The following AKAP13 variants were observed in gnomAD, a reference collection of about 807,000 sequenced individuals.
AKAP13 encodes the protein A-kinase anchor protein 13.
In AKAP13, 80 loss-of-function variants were observed where a neutral mutation model predicts 264.5. The observed-to-expected ratio is 0.30, with a 90% CI of 0.25 to 0.36. The LOEUF (loss-of-function observed/expected upper bound fraction) is 0.36. AKAP13 is among the 10% of genes least tolerant of loss of function. AKAP13 has a pLI of 1.00. For synonymous variants in AKAP13, 1,380 were observed against 1,250.2 expected, an observed-to-expected ratio of 1.10 and a Z score of -2.19; for missense variants, 3,712 against 3,435.2, an observed-to-expected ratio of 1.08 and a Z score of -2.01.
intron 2 of AKAP13, among the ~76,000 whole-genome samples, chr15:85,517,792 T>C (rs1378628954): frequency 6.6e-6 from 1 of 152,204 alleles, no homozygotes. Flanking sequence ...AGAGGTCTTT[T>C]CCATTAGTTT....
chr15:85,726,627 C>T (rs1302676502), intron 27 of AKAP13, 141 bp downstream of exon 27: 7 of 680,160 alleles, frequency 1.0e-5, no homozygotes, highest in East Asian at 8.4e-5. Context: ...TTCCCACATG[C>T]CCTCAGAATT....
At chr15:85,392,916 A>C (rs1235959439) in intron 1 of AKAP13, among the ~76,000 whole-genome samples, 1 of 152,236 alleles carries the variant, frequency 6.6e-6, no homozygotes. Context: ...AGATTTTTAG[A>C]AGTATCCTTT....
chr15:85,674,780 C>A (rs1215620925), intron 14 of AKAP13, among the ~76,000 whole-genome samples: 1 of 151,874 alleles, frequency 6.6e-6, no homozygotes, highest in Non-Finnish European at 1.5e-5. Flanking sequence ...TCTCTGTTTT[C>A]TGGATTTCTT....
At chr15:85,610,983 A>G (rs1357001358) in intron 8 of AKAP13, among the ~76,000 whole-genome samples, 10 of 113,422 alleles carry the variant, frequency 8.8e-5, no homozygotes, top group Non-Finnish European at 1.6e-4. Flanking sequence ...CCACCCCCCC[A>G]CTCCCCTCCC....
rs2089323200 is a variant in AKAP13, at chr15:85,744,919, G to C, written c.*242G>C. The C allele has an allele frequency of 2.3e-6, 1 of 444,056 alleles. No homozygotes were observed. Among genetic ancestry groups the C allele is most frequent in the Non-Finnish European group, 4.0e-6 (1 of 251,756 alleles). The allele number at this position is 444,056 out of a possible 1,614,324, so 27.5% of individuals were successfully genotyped here. A position where few individuals can be genotyped will look rare whatever the true frequency, so the allele number is the denominator to read the frequency against. ...TGCCCAGGACTCTCAGGTTGGGCTG[G>C]CCCTACTCAGGATTACACTGAAAGT... On this transcript the variant is annotated 3_prime_UTR_variant, in exon 37 of 37. Transcript: ENST00000394518.
chr15:85,504,808 A>T (rs17625240), intron 2 of AKAP13, among the ~76,000 whole-genome samples: 37,375 of 151,870 alleles, frequency 0.25, 6,070 homozygotes, highest in Middle Eastern at 0.41. Context: ...TAATTCTACC[A>T]CTTCCAGAGA....
chr15:85,567,522 G>C (rs1208454218), intron 5 of AKAP13, among the ~76,000 whole-genome samples: 1 of 152,166 alleles, frequency 6.6e-6, no homozygotes. Flanking sequence ...TAATTATTAT[G>C]AAGAGAAAAG....
At chr15:85,684,176 A>T (rs1265633799) in intron 15 of AKAP13, among the ~76,000 whole-genome samples, 1 of 152,220 alleles carries the variant, frequency 6.6e-6, no homozygotes, top group Non-Finnish European at 1.5e-5. Context: ...TGTAGATTGA[A>T]TGCTATTGTA....
intron 2 of AKAP13, among the ~76,000 whole-genome samples, chr15:85,494,827 A>G (rs2075827180): frequency 6.6e-6 from 1 of 152,156 alleles, no homozygotes; most frequent in South Asian, 2.1e-4. Flanking sequence ...TGCGCAGAGA[A>G]GTTATAGTAT....
At chr15:85,688,304 G>A (rs1597065349) in intron 16 of AKAP13, among the ~76,000 whole-genome samples, 1 of 152,208 alleles carries the variant, frequency 6.6e-6, no homozygotes, top group South Asian at 2.1e-4. Flanking sequence ...TATTGACACT[G>A]ATTTTTCTGT....
At chr15:85,448,925 C>G (rs1251805826) in intron 1 of AKAP13, among the ~76,000 whole-genome samples, 1 of 116,736 alleles carries the variant, frequency 8.6e-6, no homozygotes, top group African/African-American at 3.5e-5. Context: ...ATTTTTTTTT[C>G]TAGTTCTGTG....
intron 8 of AKAP13, among the ~76,000 whole-genome samples, chr15:85,633,460 T>C (rs1275706658): frequency 6.6e-6 from 1 of 151,804 alleles, no homozygotes; most frequent in African/African-American, 2.4e-5. Context: ...TATTTCACAG[T>C]AAGTAAAATT....
intron 6 of AKAP13, among the ~76,000 whole-genome samples, chr15:85,575,584 C>G (rs952008289): frequency 2.0e-5 from 3 of 151,616 alleles, no homozygotes; most frequent in African/African-American, 4.9e-5. Context: ...CCCAGCTACT[C>G]GGAAGGCTGA....
intron 5 of AKAP13, among the ~76,000 whole-genome samples, chr15:85,568,801 CGTT>C (rs1480464344): frequency 6.6e-6 from 1 of 152,092 alleles, no homozygotes; most frequent in African/African-American, 2.4e-5. Flanking sequence ...ACAACAAAAA[CGTT>C]GTTTTGTTTT....
At position 85,515,498 on chromosome 15, in the gene AKAP13, C is replaced by T. The variant is rs192380703; in HGVS notation, c.34-5930C>T. ...CATTGGTTCCATGTTAATCTGTAAA[C>T]CTCATTCAGATTTTGCAAGTTGTCC... On this transcript the variant is annotated intron_variant, in intron 2 of 36. Coordinates refer to ENST00000394518, the MANE Select transcript of AKAP13 (RefSeq NM_007200.5). 5.8e-5 allele frequency among the ~76,000 whole-genome samples: 8 copies of T among 138,890 alleles called. No homozygotes were observed. In the Admixed American group the frequency reaches 5.8e-4, roughly 10 times the overall value. The allele number at this position is 138,890 out of a possible 152,430, so 91.1% of individuals were successfully genotyped here.
intron 1 of AKAP13, among the ~76,000 whole-genome samples, chr15:85,388,448 G>A (rs143128597): frequency 1.6e-3 from 247 of 152,092 alleles, no homozygotes; most frequent in African/African-American, 5.5e-3. Flanking sequence ...ATGTTAGAGG[G>A]GAAAACACTG....
In AKAP13 at chr15:85,431,609, G is replaced by T. The variant is rs1438365292; in HGVS notation, c.-12+50811G>T. Among the ~76,000 whole-genome samples the T allele has an allele frequency of 2.6e-5, 4 of 152,284 alleles. No homozygotes were observed. The East Asian group carries it at 5.8e-4, about 22-fold the overall frequency. Reference sequence around the variant, plus strand: ...GGTGAAGGAGTGGTCAGGTGATGAGGTGCTGGTTACCTTGCCCCTTAGTGT... The same window carrying T: ...GGTGAAGGAGTGGTCAGGTGATGAGTTGCTGGTTACCTTGCCCCTTAGTGT... On this transcript the variant is annotated intron_variant, in intron 1 of 36. Transcript: ENST00000394518.
At chr15:85,735,769 A>AT in intron 32 of AKAP13, 139 bp downstream of exon 32, 1 of 951,938 alleles carries the variant, frequency 1.1e-6, no homozygotes, top group Non-Finnish European at 1.6e-6. Context: ...GGAAAATCAC[A>AT]TTTTTAAAAC....
chr15:85,479,696 A>C (rs572648943), intron 1 of AKAP13, among the ~76,000 whole-genome samples: 1 of 152,166 alleles, frequency 6.6e-6, no homozygotes, highest in African/African-American at 2.4e-5. Context: ...TGCTGAGATC[A>C]CCAAGTTAAC....
Sources: allele counts gnomAD v4.1 joint callset (sites outside exome capture counted in the v4.1 genomes callset), GRCh38; gene constraint gnomAD v4.1.1; transcripts MANE v1.5; gene names NCBI Gene and HGNC (gene_info 2026-07-23, HGNC 2026-07-21).